The following CHST9 variants were observed in gnomAD, a reference collection of about 807,000 sequenced individuals.
CHST9 encodes carbohydrate sulfotransferase 9.
CHST9 carries 41 observed loss-of-function variants against 44.4 expected under a neutral mutation model. The ratio of observed to expected loss-of-function variants is 0.92; its 90% CI spans 0.72 to 1.20. CHST9 has a LOEUF of 1.20. CHST9 is among the 50% of genes most tolerant of loss of function. The pLI is 0.00. For synonymous variants in CHST9, 171 were observed against 178.4 expected (o/e 0.96, Z 0.33); for missense variants, 504 against 516.5 (o/e 0.98, Z 0.23).
chr18:27,153,369 C>A (rs2143903744), intron 1 of CHST9, among the ~76,000 whole-genome samples: 1 of 152,216 alleles, frequency 6.6e-6, no homozygotes, highest in South Asian at 2.1e-4. Context: ...TAGGGCCACA[C>A]TCCCCTTGGA....
chr18:27,131,462 A>C (rs189566253), intron 2 of CHST9, among the ~76,000 whole-genome samples: 143 of 152,264 alleles, frequency 9.4e-4, no homozygotes, highest in African/African-American at 2.7e-3. Context: ...GAGGCAGGAG[A>C]ATTGCTTGAA....
intron 5 of CHST9, among the ~76,000 whole-genome samples, chr18:26,940,733 T>C (rs2056070201): frequency 6.6e-6 from 1 of 152,140 alleles, no homozygotes; most frequent in Non-Finnish European, 1.5e-5. Flanking sequence ...TTGTTATGGG[T>C]CATATTATGT....
intron 2 of CHST9, among the ~76,000 whole-genome samples, chr18:27,116,494 A>G (rs2058321772): frequency 6.6e-6 from 1 of 152,120 alleles, no homozygotes; most frequent in Admixed American, 6.5e-5. Context: ...CTTAATTACT[A>G]TGGCTTTATG....
chr18:27,126,010 AC>A (rs1408849760), intron 2 of CHST9, among the ~76,000 whole-genome samples: 1 of 152,238 alleles, frequency 6.6e-6, no homozygotes, highest in Non-Finnish European at 1.5e-5. Context: ...ACAGAAAAAA[AC>A]AAAATTATAT....
At chr18:27,148,914 C>T (rs1257115233) in intron 1 of CHST9, among the ~76,000 whole-genome samples, 1 of 137,904 alleles carries the variant, frequency 7.3e-6, no homozygotes, top group Non-Finnish European at 1.6e-5. Context: ...TCCTCTCCAG[C>T]ATCTGTTGTT....
chr18:26,937,619 T>C (rs914634062), intron 5 of CHST9, among the ~76,000 whole-genome samples: 4 of 152,196 alleles, frequency 2.6e-5, no homozygotes, highest in Non-Finnish European at 5.9e-5. Context: ...GTAGATAGCA[T>C]TGGATTGCCT....
In CHST9 at chr18:26,915,053, G is replaced by T; in HGVS notation, c.*1206C>A. The T allele has an allele frequency of 2.5e-6, 1 of 397,336 alleles. No homozygotes were observed. Among genetic ancestry groups the T allele is most frequent in the South Asian group, 1.3e-4 (1 of 7,796 alleles). The allele number at this position is 397,336 out of a possible 1,614,324, so 24.6% of individuals were successfully genotyped here. A position where few individuals can be genotyped will look rare whatever the true frequency, so the allele number is the denominator to read the frequency against. ...ATGCATTACAACTATTCATAAGGGT[G>T]ACACATGGACCTATTTTTCTAAGGA... On this transcript the variant is annotated 3_prime_UTR_variant, in exon 6 of 6. Transcript: ENST00000618847.
Position 26,916,100 on chromosome 18 carries a change from T to C in CHST9, c.*159A>G, listed in dbSNP as rs929320431. 6.8e-6 allele frequency: 4 copies of C among 585,248 alleles called. No individual in the cohort carries two copies. In the Admixed American group the frequency reaches 1.4e-4, roughly 21 times the overall value. 36.3% of individuals were successfully genotyped at this position (585,248 alleles called of 1,614,324 possible). A position where few individuals can be genotyped will look rare whatever the true frequency, so the allele number is the denominator to read the frequency against. ...CCTGTAGGTGATTTTCCTATAACTT[T>C]GTGCCAATTGGTGTCATACTATTTG... On this transcript the variant is annotated 3_prime_UTR_variant, in exon 6 of 6. Transcript: ENST00000618847.
chr18:26,972,174 T>C (rs2056554237), intron 4 of CHST9, among the ~76,000 whole-genome samples: 1 of 151,628 alleles, frequency 6.6e-6, no homozygotes, highest in African/African-American at 2.4e-5. Context: ...CTGGCCAACA[T>C]GGCGAAAACC....
At chr18:26,977,060 C>CATGCAAAATTCAT (rs2056632240) in intron 4 of CHST9, among the ~76,000 whole-genome samples, 1 of 150,742 alleles carries the variant, frequency 6.6e-6, no homozygotes, top group Non-Finnish European at 1.5e-5. Context: ...GAGCATCCTT[C>CATGCAAAATTCAT]ATGCAAAATT....
intron 2 of CHST9, among the ~76,000 whole-genome samples, chr18:27,064,325 TG>T (rs2143625779): frequency 6.6e-6 from 1 of 151,118 alleles, no homozygotes; most frequent in African/African-American, 2.4e-5. Flanking sequence ...GCCAGCATGA[TG>T]GGGCCCAGGT....
At chr18:26,926,667 A>G (rs1481022772) in intron 5 of CHST9, among the ~76,000 whole-genome samples, 1 of 152,234 alleles carries the variant, frequency 6.6e-6, no homozygotes, top group Non-Finnish European at 1.5e-5. Flanking sequence ...TCAGGAATGT[A>G]GTCCAGTTCT....
At chr18:27,141,080 G>A (rs775112248) in intron 2 of CHST9, among the ~76,000 whole-genome samples, 20 of 152,058 alleles carry the variant, frequency 1.3e-4, no homozygotes, top group Non-Finnish European at 2.4e-4. Context: ...GAGCCTGGGC[G>A]GGGCACGGTG....
At position 27,142,833 on chromosome 18, in the gene CHST9, G is replaced by C. The variant is rs750109575; in HGVS notation, c.-24C>G. Reference sequence around the variant, plus strand: ...ATTTCTCCTTATTTCAGAATCTGAAGACCACATGATTTGTTTTCCCGTAAA... The same window carrying C: ...ATTTCTCCTTATTTCAGAATCTGAACACCACATGATTTGTTTTCCCGTAAA... On this transcript the variant is annotated 5_prime_UTR_variant, in exon 2 of 6. Coordinates refer to ENST00000618847, the MANE Select transcript of CHST9 (RefSeq NM_031422.6). 1 of 1,582,390 alleles carries C rather than the reference G, an allele frequency of 6.3e-7. No individual in the cohort carries two copies. The highest frequency in any genetic ancestry group is 8.6e-7 in the Non-Finnish European group (1 of 1,166,770).
chr18:27,045,132 T>A (rs2143547083), intron 3 of CHST9, among the ~76,000 whole-genome samples: 1 of 152,086 alleles, frequency 6.6e-6, no homozygotes, highest in South Asian at 2.1e-4. Context: ...ACTTTAGGGA[T>A]GCTCTAATGT....
At chr18:27,116,830 A>G (rs1284051057) in intron 2 of CHST9, among the ~76,000 whole-genome samples, 1 of 152,120 alleles carries the variant, frequency 6.6e-6, no homozygotes, top group Non-Finnish European at 1.5e-5. Context: ...ATGTATCCTT[A>G]ATTTTGTATT....
intron 4 of CHST9, among the ~76,000 whole-genome samples, chr18:26,990,384 G>C (rs954628343): frequency 6.6e-6 from 1 of 152,308 alleles, no homozygotes; most frequent in African/African-American, 2.4e-5. Context: ...TGGGGTGCAA[G>C]TAACTGTTTC....
intron 5 of CHST9, among the ~76,000 whole-genome samples, chr18:26,921,121 A>G (rs927195955): frequency 3.9e-5 from 6 of 152,326 alleles, no homozygotes; most frequent in African/African-American, 7.2e-5. Context: ...CTTTCATCCT[A>G]TCTGGGGGAG....
At position 27,053,266 on chromosome 18, in the gene CHST9, AG is replaced by A. The variant is rs1290397688; in HGVS notation, c.122-4764del. On this transcript the variant is annotated intron_variant, in intron 2 of 5. Transcript: ENST00000618847. ...AAGAAGAAGAAGAAGAAGAAGGAGA[AG>A]GAGAAGGAGAAGGAGAAGGAGAAGG... Among the ~76,000 whole-genome samples, 259 of 110,728 alleles carry A rather than the reference AG, an allele frequency of 2.3e-3. 7 individuals carry two copies. Among genetic ancestry groups the A allele is most frequent in the African/African-American group, 7.4e-3 (216 of 29,092 alleles). 72.6% of individuals were successfully genotyped at this position (110,728 alleles called of 152,430 possible). A position where few individuals can be genotyped will look rare whatever the true frequency, so the allele number is the denominator to read the frequency against.
Sources: gnomAD v4.1 joint callset for allele counts (sites outside exome capture counted in the v4.1 genomes callset) on GRCh38, gnomAD v4.1.1 for gene constraint, MANE v1.5 for transcripts, NCBI Gene and HGNC (gene_info 2026-07-23, HGNC 2026-07-21) for gene names.